KAZN: variants seen among roughly 807,000 people sequenced by gnomAD.
KAZN encodes kazrin.
Under a neutral mutation model 87.4 loss-of-function variants are expected in KAZN, and 40 were observed. That is an observed-to-expected ratio of 0.46 (90% confidence interval 0.36 to 0.60). The LOEUF (loss-of-function observed/expected upper bound fraction) is 0.60. KAZN is among the 20% of genes least tolerant of loss of function. The pLI is 0.00. For synonymous variants in KAZN, 466 were observed against 458.3 expected, an observed-to-expected ratio of 1.02 and a Z score of -0.22; for missense variants, 898 against 1,073.9, an observed-to-expected ratio of 0.84 and a Z score of 2.29.
At chr1:14,240,762 A>C (rs1361548934) in intron 2 of KAZN, among the ~76,000 whole-genome samples, 1 of 152,196 alleles carries the variant, frequency 6.6e-6, no homozygotes, top group Non-Finnish European at 1.5e-5. Flanking sequence ...TCACTATTCT[A>C]CACCTATGTC....
chr1:15,000,462 C>T (rs1177930869), intron 2 of KAZN, among the ~76,000 whole-genome samples: 2 of 151,778 alleles, frequency 1.3e-5, no homozygotes, highest in Non-Finnish European at 2.9e-5. Context: ...CCAGAGCCCC[C>T]GTCCCTCCTT....
Position 14,299,653 on chromosome 1 carries a change from C to T in KAZN, c.249+119061C>T, listed in dbSNP as rs140914121. Among the ~76,000 whole-genome samples the T allele has an allele frequency of 1.6e-3, 242 of 152,340 alleles. 1 individual carries two copies. The highest frequency in any genetic ancestry group is 5.5e-3 in the African/African-American group (227 of 41,574). ...GCACCCATAGTTCTGCTGGGCTCCA[C>T]TGGGCTACAGATCACACTCACTCTG... is the stretch of plus-strand genomic sequence containing the variant. On this transcript the variant is annotated intron_variant, in intron 2 of 16. Transcript: ENST00000636203.
intron 2 of KAZN, among the ~76,000 whole-genome samples, chr1:14,374,732 C>T (rs1191221367): frequency 6.6e-6 from 1 of 152,176 alleles, no homozygotes; most frequent in African/African-American, 2.4e-5. Context: ...GGACCGCGGA[C>T]TGCCCCTCGA....
chr1:15,101,187 T>TCTCTCTCTCTCC (rs71000362), intron 10 of KAZN, among the ~76,000 whole-genome samples: 1 of 149,184 alleles, frequency 6.7e-6, no homozygotes, highest in Non-Finnish European at 1.5e-5. Flanking sequence ...TCTCTCTCTC[T>TCTCTCTCTCTCC]GCCTCTTCCT....
chr1:14,178,827 T>C (rs1570948482), intron 1 of KAZN, among the ~76,000 whole-genome samples: 1 of 152,204 alleles, frequency 6.6e-6, no homozygotes, highest in African/African-American at 2.4e-5. Flanking sequence ...TTTTGGCAGG[T>C]ATTTTAGTTA....
intron 1 of KAZN, among the ~76,000 whole-genome samples, chr1:14,050,907 T>C (rs1312626460): frequency 6.6e-6 from 1 of 152,238 alleles, no homozygotes; most frequent in Non-Finnish European, 1.5e-5. Flanking sequence ...ACATGTATTA[T>C]GACAAACAAG....
chr1:14,242,981 C>T (rs986079678), intron 2 of KAZN, among the ~76,000 whole-genome samples: 14 of 152,250 alleles, frequency 9.2e-5, no homozygotes, highest in African/African-American at 2.9e-4. Context: ...CTGATGATTT[C>T]GAATGAAAAT....
intron 11 of KAZN, among the ~76,000 whole-genome samples, chr1:15,102,193 C>CT (rs953762564): frequency 4.6e-5 from 7 of 151,936 alleles, no homozygotes; most frequent in African/African-American, 1.7e-4. Flanking sequence ...GATATACCTA[C>CT]TATGTATACC....
intron 1 of KAZN, among the ~76,000 whole-genome samples, chr1:14,716,542 G>GA (rs1642806039): frequency 6.6e-6 from 1 of 152,028 alleles, no homozygotes; most frequent in Non-Finnish European, 1.5e-5. Flanking sequence ...CCTCCCTGTC[G>GA]GCAGCCTTGT....
chr1:14,644,484 C>T (rs1300180189), intron 1 of KAZN, among the ~76,000 whole-genome samples: 1 of 151,966 alleles, frequency 6.6e-6, no homozygotes, highest in Admixed American at 6.6e-5. Flanking sequence ...GCCTCAGCCT[C>T]CCGAGTAGCT....
At chr1:14,569,425 C>T (rs1334866834) in intron 2 of KAZN, among the ~76,000 whole-genome samples, 1 of 150,306 alleles carries the variant, frequency 6.7e-6, no homozygotes, top group Non-Finnish European at 1.5e-5. Context: ...CAGGTTCACG[C>T]CATTCTCCTG....
intron 2 of KAZN, among the ~76,000 whole-genome samples, chr1:14,416,960 GTGTATACA>G (rs1241924625): frequency 1.3e-5 from 2 of 149,134 alleles, no homozygotes; most frequent in Non-Finnish European, 3.0e-5. Flanking sequence ...ATGTGTATGT[GTGTATACA>G]TATGTATATA....
At chr1:14,071,322 G>T (rs1205055950) in intron 1 of KAZN, among the ~76,000 whole-genome samples, 2 of 152,098 alleles carry the variant, frequency 1.3e-5, no homozygotes, top group East Asian at 1.9e-4. Flanking sequence ...TAATCACCTT[G>T]GGCTGGAGTC....
intron 1 of KAZN, among the ~76,000 whole-genome samples, chr1:14,789,622 C>G (rs571539843): frequency 6.6e-6 from 1 of 152,028 alleles, no homozygotes; most frequent in Non-Finnish European, 1.5e-5. Context: ...ACCTGGTCCC[C>G]CTTTGGGCCT....
At chr1:14,010,636 T>C (rs1337796800) in intron 1 of KAZN, among the ~76,000 whole-genome samples, 1 of 152,204 alleles carries the variant, frequency 6.6e-6, no homozygotes, top group African/African-American at 2.4e-5. Flanking sequence ...GGGCTGAGAC[T>C]CCTATGTCAT....
intron 1 of KAZN, among the ~76,000 whole-genome samples, chr1:14,810,781 G>A (rs1646384901): frequency 6.6e-6 from 1 of 152,174 alleles, no homozygotes; most frequent in Non-Finnish European, 1.5e-5. Flanking sequence ...ACCTCTGACT[G>A]GGGGCATCCT....
At chr1:14,204,328 T>G (rs1239702670) in intron 2 of KAZN, among the ~76,000 whole-genome samples, 2 of 152,222 alleles carry the variant, frequency 1.3e-5, no homozygotes, top group African/African-American at 4.8e-5. Context: ...ATGCCAGGAT[T>G]CATTTGTTAT....
chr1:14,218,050 A>G (rs929617282), intron 2 of KAZN, among the ~76,000 whole-genome samples: 1 of 152,088 alleles, frequency 6.6e-6, no homozygotes, highest in African/African-American at 2.4e-5. Flanking sequence ...AACCAAATTA[A>G]CTAGAGAGTT....
Position 14,518,493 on chromosome 1 carries a change from T to A in KAZN, c.250-80490T>A, listed in dbSNP as rs570199490. Among the ~76,000 whole-genome samples, 10 of 152,240 alleles carry A rather than the reference T, an allele frequency of 6.6e-5. No individual in the cohort carries two copies. In the East Asian group the frequency reaches 7.7e-4, roughly 12 times the overall value. On this transcript the variant is annotated intron_variant, in intron 2 of 16. Coordinates refer to the KAZN transcript ENST00000636203. ...CACCCAGCCTGTTTGAAATCATTTT[T>A]AAAGAAAAAGTAAGAAAGCATTAGG...
Sources: allele counts gnomAD v4.1 joint callset (sites outside exome capture counted in the v4.1 genomes callset), GRCh38; gene constraint gnomAD v4.1.1; transcripts MANE v1.5; gene names NCBI Gene and HGNC (gene_info 2026-07-23, HGNC 2026-07-21).